Variants in EFNA5 observed in about 807,000 individuals in gnomAD.
EFNA5 encodes the protein ephrin A5.
EFNA5 carries 5 observed loss-of-function variants against 22.9 expected under a neutral mutation model. The observed-to-expected ratio is 0.22, with a 90% CI of 0.11 to 0.46. EFNA5 has a LOEUF of 0.46. Among genes scored for constraint, EFNA5 ranks in the 20% least tolerant of loss-of-function variants. The pLI, the probability that EFNA5 is intolerant of heterozygous loss-of-function variation, is 0.99. For synonymous variants in EFNA5, 113 were observed against 112.2 expected (o/e 1.01, Z -0.04); for missense variants, 237 against 293.3 (o/e 0.81, Z 1.40).
At chr5:107,556,591 C>G (rs370823934) in intron 1 of EFNA5, among the ~76,000 whole-genome samples, 3 of 151,732 alleles carry the variant, frequency 2.0e-5, no homozygotes, top group South Asian at 2.1e-4. Flanking sequence ...AGTAAAAATA[C>G]AAAAATTAGC....
chr5:107,525,642 A>C (rs1747680271), intron 1 of EFNA5, among the ~76,000 whole-genome samples: 1 of 152,202 alleles, frequency 6.6e-6, no homozygotes, highest in Non-Finnish European at 1.5e-5. Flanking sequence ...TATGTTTACT[A>C]TTCATTAAGT....
At chr5:107,412,644 C>G (rs1252868166) in intron 2 of EFNA5, among the ~76,000 whole-genome samples, 3 of 152,170 alleles carry the variant, frequency 2.0e-5, no homozygotes, top group Non-Finnish European at 4.4e-5. Context: ...AGGCAATTTT[C>G]TAGTTAGCCC....
chr5:107,520,835 T>C (rs2112442900), intron 1 of EFNA5, among the ~76,000 whole-genome samples: 1 of 152,316 alleles, frequency 6.6e-6, no homozygotes, highest in Non-Finnish European at 1.5e-5. Flanking sequence ...TTTACTAAAT[T>C]ATCTTAACAG....
intron 1 of EFNA5, among the ~76,000 whole-genome samples, chr5:107,472,260 G>T (rs1376147090): frequency 6.6e-6 from 1 of 152,046 alleles, no homozygotes; most frequent in Non-Finnish European, 1.5e-5. Context: ...CCAAACACTT[G>T]TTTTATTACA....
At chr5:107,455,290 C>T (rs1458456574) in intron 1 of EFNA5, among the ~76,000 whole-genome samples, 2 of 152,132 alleles carry the variant, frequency 1.3e-5, no homozygotes, top group Non-Finnish European at 2.9e-5. Context: ...TGAAATTAAA[C>T]AAAACCTTAC....
chr5:107,624,457 A>T (rs530572679), intron 1 of EFNA5, among the ~76,000 whole-genome samples: 1 of 152,180 alleles, frequency 6.6e-6, no homozygotes, highest in South Asian at 2.1e-4. Context: ...TATAAAGTAG[A>T]TCACTTATTT....
intron 1 of EFNA5, among the ~76,000 whole-genome samples, chr5:107,447,266 A>C (rs1749422443): frequency 6.6e-6 from 1 of 152,162 alleles, no homozygotes; most frequent in Admixed American, 6.5e-5. Context: ...ACTGCATTAG[A>C]CTAAATGATG....
chr5:107,475,423 A>C (rs1323400865), intron 1 of EFNA5, among the ~76,000 whole-genome samples: 1 of 152,232 alleles, frequency 6.6e-6, no homozygotes, highest in Non-Finnish European at 1.5e-5. Context: ...AGAAAACTGC[A>C]AAAGGTTTTG....
intron 1 of EFNA5, among the ~76,000 whole-genome samples, chr5:107,545,657 G>T (rs187366249): frequency 6.6e-6 from 1 of 152,076 alleles, no homozygotes; most frequent in African/African-American, 2.4e-5. Context: ...GGAGCTCCTC[G>T]GCAACTTGTG....
At chr5:107,389,591 T>C (rs1747730967) in intron 2 of EFNA5, among the ~76,000 whole-genome samples, 1 of 152,208 alleles carries the variant, frequency 6.6e-6, no homozygotes, top group Admixed American at 6.5e-5. Context: ...CAGAATCAAA[T>C]GCTTAATTGG....
chr5:107,549,950 T>A (rs1047177381), intron 1 of EFNA5, among the ~76,000 whole-genome samples: 3 of 152,274 alleles, frequency 2.0e-5, no homozygotes, highest in Non-Finnish European at 2.9e-5. Context: ...TCTCTGGAAA[T>A]GGAAGTCATT....
chr5:107,632,413 A>C lies in EFNA5; in HGVS notation c.125+38076T>G, dbSNP rs1750275229. ...CAACAAGGAATAGTGTGGATACATT[A>C]GGTAAGCAAGACTCACAAATACTGG... is the stretch of plus-strand genomic sequence containing the variant. On this transcript the variant is annotated intron_variant, in intron 1 of 4. Transcript: ENST00000333274. Among the ~76,000 whole-genome samples the C allele has an allele frequency of 3.3e-5, 5 of 152,302 alleles. No homozygotes were observed. The South Asian group carries it at 1.0e-3, about 32-fold the overall frequency.
intron 1 of EFNA5, among the ~76,000 whole-genome samples, chr5:107,446,722 C>G (rs954530014): frequency 1.3e-5 from 2 of 151,848 alleles, no homozygotes; most frequent in African/African-American, 4.8e-5. Flanking sequence ...CCACTGCACT[C>G]CAGCCTGGGT....
intron 1 of EFNA5, among the ~76,000 whole-genome samples, chr5:107,629,993 T>C (rs932406594): frequency 6.6e-6 from 1 of 151,460 alleles, no homozygotes; most frequent in Non-Finnish European, 1.5e-5. Context: ...GAGGCGGAGG[T>C]TGCAGTGAGC....
chr5:107,546,022 A>G (rs555989), intron 1 of EFNA5, among the ~76,000 whole-genome samples: 117,941 of 151,856 alleles, frequency 0.78, 46,178 homozygotes, highest in African/African-American at 0.88. Context: ...TCAGAAGAGG[A>G]AGAGTGGACC....
chr5:107,571,811 C>T lies in EFNA5; in HGVS notation c.125+98678G>A, dbSNP rs563200224. Among the ~76,000 whole-genome samples, 10 of 152,296 alleles carry T rather than the reference C, an allele frequency of 6.6e-5. 2 individuals carry two copies. The highest frequency in any genetic ancestry group is 2.2e-4 in the African/African-American group (9 of 41,558). The stretch of plus-strand genomic sequence containing the variant: ...AGGTTTTTCCTTTCTCGTAGAGACA[C>T]TCCTTTATGGCGAGGTCATGTAAAA... On this transcript the variant is annotated intron_variant, in intron 1 of 4. Coordinates refer to ENST00000333274, the MANE Select transcript of EFNA5 (RefSeq NM_001962.3).
chr5:107,533,705 A>G (rs1747870415), intron 1 of EFNA5, among the ~76,000 whole-genome samples: 1 of 152,204 alleles, frequency 6.6e-6, no homozygotes, highest in Admixed American at 6.5e-5. Flanking sequence ...TGTTTTATGT[A>G]GTTCCCATAT....
At chr5:107,498,714 A>G (rs1404851194) in intron 1 of EFNA5, among the ~76,000 whole-genome samples, 2 of 152,184 alleles carry the variant, frequency 1.3e-5, no homozygotes, top group African/African-American at 4.8e-5. Flanking sequence ...CCTGTGTGAC[A>G]GCACAGGTTG....
intron 1 of EFNA5, among the ~76,000 whole-genome samples, chr5:107,620,636 T>A (rs931228913): frequency 6.6e-6 from 1 of 152,206 alleles, no homozygotes; most frequent in Non-Finnish European, 1.5e-5. Flanking sequence ...TTCCAAGAGT[T>A]AATTATTTCA....
Sources: allele counts gnomAD v4.1 joint callset (sites outside exome capture counted in the v4.1 genomes callset), GRCh38; gene constraint gnomAD v4.1.1; transcripts MANE v1.5; gene names NCBI Gene and HGNC (gene_info 2026-07-23, HGNC 2026-07-21).